Variants in GALNTL6 observed in about 807,000 individuals in gnomAD.
GALNTL6 encodes the protein polypeptide N-acetylgalactosaminyltransferase like 6, also known as polypeptide N-acetylgalactosaminyltransferase-like 6.
GALNTL6 carries 46 observed loss-of-function variants against 73.7 expected under a neutral mutation model. That is an observed-to-expected ratio of 0.62 (90% CI 0.49 to 0.80). The LOEUF (loss-of-function observed/expected upper bound fraction) is 0.80, where lower values mean the gene tolerates loss of function less well. GALNTL6 is among the 30% of genes least tolerant of loss of function. GALNTL6 has a pLI of 0.00. For missense variants in GALNTL6, 604 were observed against 755.0 expected (o/e 0.80, Z 2.34); for synonymous variants, 259 against 263.7 (o/e 0.98, Z 0.17).
chr4:172,361,994 C>T (rs1742387058), intron 5 of GALNTL6, among the ~76,000 whole-genome samples: 1 of 152,070 alleles, frequency 6.6e-6, no homozygotes, highest in Non-Finnish European at 1.5e-5. Context: ...ATTATTCCGG[C>T]TATAAAATTA....
At chr4:171,857,516 T>A (rs1187777634) in intron 2 of GALNTL6, among the ~76,000 whole-genome samples, 1 of 152,132 alleles carries the variant, frequency 6.6e-6, no homozygotes, top group Admixed American at 6.6e-5. Flanking sequence ...GATAACCATT[T>A]CAGTGATTTT....
At chr4:172,313,865 T>G (rs1740452690) in intron 4 of GALNTL6, among the ~76,000 whole-genome samples, 1 of 152,150 alleles carries the variant, frequency 6.6e-6, no homozygotes, top group African/African-American at 2.4e-5. Context: ...AAGAAAGTGT[T>G]AAGTATACTA....
chr4:173,009,736 G>A (rs1752461293), intron 11 of GALNTL6, among the ~76,000 whole-genome samples: 1 of 152,180 alleles, frequency 6.6e-6, no homozygotes. Flanking sequence ...CACTTTACAT[G>A]GGCCTCCTGT....
chr4:172,528,562 G>C (rs1735051786), intron 5 of GALNTL6, among the ~76,000 whole-genome samples: 1 of 151,040 alleles, frequency 6.6e-6, no homozygotes, highest in Admixed American at 6.6e-5. Flanking sequence ...AGCCAGGATG[G>C]TCTCGATCTC....
chr4:172,532,522 T>C (rs933530218), intron 5 of GALNTL6, among the ~76,000 whole-genome samples: 3 of 152,356 alleles, frequency 2.0e-5, no homozygotes, highest in Admixed American at 1.3e-4. Flanking sequence ...AATTTGTTAC[T>C]GCAGCCACAG....
At chr4:172,741,639 G>A in intron 5 of GALNTL6, among the ~76,000 whole-genome samples, 1 of 151,850 alleles carries the variant, frequency 6.6e-6, no homozygotes, top group Non-Finnish European at 1.5e-5. Context: ...TATACACTCT[G>A]CTACATATAT....
chr4:172,665,262 T>C (rs920528880), intron 5 of GALNTL6, among the ~76,000 whole-genome samples: 9 of 152,208 alleles, frequency 5.9e-5, no homozygotes, highest in Non-Finnish European at 1.2e-4. Flanking sequence ...TGCGGGCCTC[T>C]GCTTATCAAT....
chr4:171,937,865 AT>A (rs549432397), intron 2 of GALNTL6, among the ~76,000 whole-genome samples: 73 of 152,278 alleles, frequency 4.8e-4, no homozygotes, highest in South Asian at 8.3e-4. Flanking sequence ...AGTTAAAATG[AT>A]TTTTTAATGA....
At chr4:172,437,096 C>A (rs916911881) in intron 5 of GALNTL6, among the ~76,000 whole-genome samples, 2 of 152,120 alleles carry the variant, frequency 1.3e-5, no homozygotes, top group African/African-American at 4.8e-5. Context: ...CCAACTACTT[C>A]ATGTGTGCCT....
intron 5 of GALNTL6, among the ~76,000 whole-genome samples, chr4:172,421,987 G>A (rs531407818): frequency 1.2e-3 from 176 of 152,164 alleles, no homozygotes; most frequent in African/African-American, 4.0e-3. Flanking sequence ...GTCCTCAAAT[G>A]CACTTCTTCC....
chr4:172,219,263 G>A (rs962044301), intron 2 of GALNTL6, among the ~76,000 whole-genome samples: 27 of 131,214 alleles, frequency 2.1e-4, no homozygotes, highest in African/African-American at 5.2e-4. Flanking sequence ...AAGAATAACC[G>A]TTATTTTAAG....
intron 2 of GALNTL6, among the ~76,000 whole-genome samples, chr4:172,056,866 ATCC>A (rs879884592): frequency 8.5e-5 from 13 of 152,100 alleles, no homozygotes; most frequent in Non-Finnish European, 1.9e-4. Flanking sequence ...TATTGTGAAT[ATCC>A]TCCTAGTTGA....
At chr4:172,171,047 A>T (rs1037244241) in intron 2 of GALNTL6, among the ~76,000 whole-genome samples, 1 of 152,250 alleles carries the variant, frequency 6.6e-6, no homozygotes, top group African/African-American at 2.4e-5. Context: ...TTATTAAGAC[A>T]TAAACAATTA....
At chr4:173,034,958 G>A (rs1053663033) in intron 12 of GALNTL6, among the ~76,000 whole-genome samples, 14 of 151,884 alleles carry the variant, frequency 9.2e-5, no homozygotes, top group African/African-American at 3.4e-4. Flanking sequence ...ATTTTTTGTT[G>A]AATAAGTTGA....
At chr4:172,484,204 G>A (rs1343754232) in intron 5 of GALNTL6, among the ~76,000 whole-genome samples, 1 of 152,044 alleles carries the variant, frequency 6.6e-6, no homozygotes, top group African/African-American at 2.4e-5. Flanking sequence ...AGATAGTCTC[G>A]CACCAGATTA....
intron 2 of GALNTL6, among the ~76,000 whole-genome samples, chr4:171,909,144 T>TAACA (rs370708126): frequency 7.8e-6 from 1 of 128,450 alleles, no homozygotes; most frequent in African/African-American, 2.8e-5. Flanking sequence ...TAAAGTATAA[T>TAACA]AATAAATAAA....
chr4:172,455,452 C>T (rs1732360713), intron 5 of GALNTL6, among the ~76,000 whole-genome samples: 1 of 152,178 alleles, frequency 6.6e-6, no homozygotes, highest in African/African-American at 2.4e-5. Context: ...AAGCTAAGAT[C>T]CACTGGCTTG....
intron 2 of GALNTL6, among the ~76,000 whole-genome samples, chr4:172,027,958 C>T (rs2110814273): frequency 6.6e-6 from 1 of 152,104 alleles, no homozygotes; most frequent in African/African-American, 2.4e-5. Flanking sequence ...AAGCCATCTC[C>T]CTAACAGAAA....
intron 5 of GALNTL6, among the ~76,000 whole-genome samples, chr4:172,468,610 T>C (rs991399010): frequency 1.3e-5 from 2 of 152,176 alleles, no homozygotes; most frequent in Non-Finnish European, 2.9e-5. Flanking sequence ...TATAGAAATG[T>C]CTCCTCCTAT....
Sources: gnomAD v4.1 joint callset for allele counts (sites outside exome capture counted in the v4.1 genomes callset) on GRCh38, gnomAD v4.1.1 for gene constraint, MANE v1.5 for transcripts, NCBI Gene and HGNC (gene_info 2026-07-23, HGNC 2026-07-21) for gene names.